Variants in LRFN5 observed in about 807,000 individuals in gnomAD.
LRFN5 encodes the protein leucine-rich repeat and fibronectin type-III domain-containing protein 5.
Under a neutral mutation model 45.6 loss-of-function variants are expected in LRFN5, and 24 were observed. The observed-to-expected ratio is 0.53, with a 90% CI of 0.38 to 0.74. LRFN5 has a LOEUF of 0.74. Ranked by LOEUF, LRFN5 falls within the 30% of genes least tolerant of loss-of-function variation. The pLI is 0.00. For missense variants in LRFN5, 776 were observed against 861.5 expected (o/e 0.90, Z 1.24); for synonymous variants, 340 against 313.8 (o/e 1.08, Z -0.88).
intron 1 of LRFN5, among the ~76,000 whole-genome samples, chr14:41,678,895 C>A (rs545156887): frequency 6.6e-6 from 1 of 152,328 alleles, no homozygotes; most frequent in Admixed American, 6.5e-5. Context: ...CCTCCCCCAT[C>A]TTCTTGCAAC....
In LRFN5 at chr14:41,785,056, A is replaced by C. The variant is rs533705972; in HGVS notation, c.-21+18027A>C. Among the ~76,000 whole-genome samples, 7 of 152,324 alleles carry C rather than the reference A, an allele frequency of 4.6e-5. No individual in the cohort carries two copies. The East Asian group carries it at 1.4e-3, about 29-fold the overall frequency. ...CTCATTCTTCTGAAATCTATTTCAAATAATATGAAAATAGCCACTCTAGCT... is the reference window on the plus strand; with the variant it reads ...CTCATTCTTCTGAAATCTATTTCAACTAATATGAAAATAGCCACTCTAGCT... On this transcript the variant is annotated intron_variant, in intron 2 of 5. Transcript: ENST00000298119.
chr14:41,792,452 A>G (rs1327762642), intron 2 of LRFN5, among the ~76,000 whole-genome samples: 2 of 152,002 alleles, frequency 1.3e-5, no homozygotes, highest in African/African-American at 2.4e-5. Context: ...GCAGGAGACC[A>G]GAGCATATTT....
intron 1 of LRFN5, among the ~76,000 whole-genome samples, chr14:41,739,378 TTG>T (rs1315128735): frequency 7.0e-6 from 1 of 142,692 alleles, no homozygotes; most frequent in Non-Finnish European, 1.5e-5. Context: ...GAGCCAGACA[TTG>T]TGTCAATCAT....
chr14:41,769,338 A>G (rs1885998076), intron 2 of LRFN5, among the ~76,000 whole-genome samples: 1 of 152,178 alleles, frequency 6.6e-6, no homozygotes, highest in South Asian at 2.1e-4. Context: ...GGCATTTCCA[A>G]TTAGCCTTGG....
chr14:41,752,870 G>A (rs1885199147), intron 1 of LRFN5, among the ~76,000 whole-genome samples: 1 of 152,092 alleles, frequency 6.6e-6, no homozygotes, highest in South Asian at 2.1e-4. Flanking sequence ...TAATGCCTAG[G>A]TTTTCTTCTA....
intron 1 of LRFN5, among the ~76,000 whole-genome samples, chr14:41,623,894 G>A (rs772242469): frequency 4.5e-4 from 68 of 151,962 alleles, no homozygotes; most frequent in Non-Finnish European, 7.9e-4. Flanking sequence ...ACTAATTATG[G>A]TGAAATCACA....
At chr14:41,733,132 G>C (rs1319409744) in intron 1 of LRFN5, among the ~76,000 whole-genome samples, 1 of 151,706 alleles carries the variant, frequency 6.6e-6, no homozygotes, top group Non-Finnish European at 1.5e-5. Context: ...CTAAAGAAGA[G>C]AGTTAGAAAG....
chr14:41,714,711 G>C (rs1201686313), intron 1 of LRFN5, among the ~76,000 whole-genome samples: 1 of 152,068 alleles, frequency 6.6e-6, no homozygotes, highest in Non-Finnish European at 1.5e-5. Flanking sequence ...TTCAAGACCA[G>C]CCTGAGCACA....
At chr14:41,795,946 C>T (rs1032313021) in intron 2 of LRFN5, among the ~76,000 whole-genome samples, 1 of 151,432 alleles carries the variant, frequency 6.6e-6, no homozygotes, top group Non-Finnish European at 1.5e-5. Flanking sequence ...TCCGGCTAAA[C>T]ACTCTGTCAT....
At chr14:41,867,163 C>T (rs1323590171) in intron 2 of LRFN5, among the ~76,000 whole-genome samples, 6 of 152,030 alleles carry the variant, frequency 3.9e-5, no homozygotes, top group Non-Finnish European at 8.8e-5. Flanking sequence ...GGTGATAAAA[C>T]ATACTGGATA....
At chr14:41,837,449 C>T (rs1888702850) in intron 2 of LRFN5, among the ~76,000 whole-genome samples, 1 of 152,070 alleles carries the variant, frequency 6.6e-6, no homozygotes, top group Non-Finnish European at 1.5e-5. Context: ...TGAGATGGTG[C>T]ATGGAGAGAC....
chr14:41,646,234 T>A (rs1594578305), intron 1 of LRFN5, among the ~76,000 whole-genome samples: 1 of 152,218 alleles, frequency 6.6e-6, no homozygotes, highest in African/African-American at 2.4e-5. Flanking sequence ...TTTGTAACCC[T>A]TAATGAAATG....
intron 2 of LRFN5, among the ~76,000 whole-genome samples, chr14:41,784,868 A>G (rs796546265): frequency 2.0e-5 from 3 of 152,226 alleles, no homozygotes; most frequent in Admixed American, 6.5e-5. Flanking sequence ...ATCTCAGGTG[A>G]TCTGTCAGCC....
chr14:41,684,225 T>A, intron 1 of LRFN5, among the ~76,000 whole-genome samples: 1 of 152,156 alleles, frequency 6.6e-6, no homozygotes, highest in Admixed American at 6.5e-5. Flanking sequence ...GAAACCTGGG[T>A]ATCCGTATAC....
At chr14:41,831,758 A>G (rs1393299625) in intron 2 of LRFN5, among the ~76,000 whole-genome samples, 1 of 152,166 alleles carries the variant, frequency 6.6e-6, no homozygotes, top group African/African-American at 2.4e-5. Context: ...CTTACCTTAT[A>G]TATTCCATTT....
intron 2 of LRFN5, among the ~76,000 whole-genome samples, chr14:41,854,857 A>T (rs1594468284): frequency 6.6e-6 from 1 of 152,316 alleles, no homozygotes; most frequent in East Asian, 1.9e-4. Flanking sequence ...ATACACTTAC[A>T]AATTCACATC....
At chr14:41,783,664 C>T (rs759434635) in intron 2 of LRFN5, among the ~76,000 whole-genome samples, 1 of 151,966 alleles carries the variant, frequency 6.6e-6, no homozygotes, top group African/African-American at 2.4e-5. Flanking sequence ...CTTTGTAGTA[C>T]AGTACCTCTT....
At chr14:41,718,146 C>T (rs1883566209) in intron 1 of LRFN5, among the ~76,000 whole-genome samples, 1 of 152,152 alleles carries the variant, frequency 6.6e-6, no homozygotes, top group East Asian at 1.9e-4. Flanking sequence ...ATGGTCTTGG[C>T]ATCTTCTCTT....
chr14:41,735,521 G>A (rs1002941225), intron 1 of LRFN5, among the ~76,000 whole-genome samples: 6 of 152,186 alleles, frequency 3.9e-5, no homozygotes, highest in South Asian at 2.1e-4. Flanking sequence ...GTCCTTCTGC[G>A]TCAGCCCCCC....
Sources: gnomAD v4.1 joint callset for allele counts (sites outside exome capture counted in the v4.1 genomes callset) on GRCh38, gnomAD v4.1.1 for gene constraint, MANE v1.5 for transcripts, NCBI Gene and HGNC (gene_info 2026-07-23, HGNC 2026-07-21) for gene names.